Variants in PCDHA9 observed in about 807,000 individuals in gnomAD.
PCDHA9 encodes protocadherin alpha 9.
Under a neutral mutation model 62.0 loss-of-function variants are expected in PCDHA9, and 62 were observed. That is an observed-to-expected ratio of 1.00 (90% CI 0.81 to 1.23). PCDHA9 has a LOEUF of 1.23. Ranked by LOEUF, PCDHA9 falls within the 50% of genes most tolerant of loss-of-function variation. The pLI, the probability that PCDHA9 is intolerant of heterozygous loss-of-function variation, is 0.00. For missense variants in PCDHA9, 1,205 were observed against 1,249.8 expected (o/e 0.96, Z 0.54); for synonymous variants, 557 against 567.6 (o/e 0.98, Z 0.27).
intron 1 of PCDHA9, chr5:140,968,325 C>T (rs148804197): frequency 1.2e-6 from 2 of 1,613,988 alleles, no homozygotes; most frequent in African/African-American, 2.7e-5. Context: ...CCAGTCACCT[C>T]CTATGTCTCC....
At chr5:140,862,451 C>A (rs1554156361) in intron 1 of PCDHA9, 4 of 365,784 alleles carry the variant, frequency 1.1e-5, no homozygotes, top group African/African-American at 2.1e-5. Flanking sequence ...TCCACAGCGC[C>A]CTGGACCAAG....
intron 1 of PCDHA9, chr5:140,884,440 G>T: frequency 1.2e-6 from 2 of 1,613,830 alleles, no homozygotes; most frequent in Non-Finnish European, 1.7e-6. Flanking sequence ...TGCGGTGCTC[G>T]GCACCGCCCA....
At chr5:140,937,546 G>A (rs1584916949) in intron 1 of PCDHA9, among the ~76,000 whole-genome samples, 1 of 152,050 alleles carries the variant, frequency 6.6e-6, no homozygotes, top group Non-Finnish European at 1.5e-5. Flanking sequence ...GAACCTGCGA[G>A]GCAGAGGTTG....
chr5:140,912,445 A>C (rs1165607499), intron 1 of PCDHA9, among the ~76,000 whole-genome samples: 1 of 151,772 alleles, frequency 6.6e-6, no homozygotes, highest in African/African-American at 2.4e-5. Flanking sequence ...ATTTGTGTGC[A>C]TTGATTTTGT....
At chr5:140,977,337 G>A (rs1554238444) in intron 1 of PCDHA9, among the ~76,000 whole-genome samples, 4 of 152,150 alleles carry the variant, frequency 2.6e-5, no homozygotes, top group South Asian at 2.1e-4. Context: ...GGGGAGAGAC[G>A]GTGATGATGA....
At chr5:140,927,889 G>A in intron 1 of PCDHA9, 3 of 1,614,226 alleles carry the variant, frequency 1.9e-6, no homozygotes, top group Non-Finnish European at 2.5e-6. Flanking sequence ...GGTGACTGAC[G>A]TGAACGATCA....
intron 1 of PCDHA9, chr5:140,966,789 C>G (rs782194817): frequency 6.5e-7 from 1 of 1,528,572 alleles, no homozygotes; most frequent in East Asian, 2.4e-5. Context: ...GGCACCAGAC[C>G]TGCGGCGACA....
rs148598290 is a variant in PCDHA9, at chr5:140,857,464, C to G, written c.2394+6575C>G. 181 of 1,598,526 alleles carry G rather than the reference C, an allele frequency of 1.1e-4. 14 individuals carry two copies. Among genetic ancestry groups the G allele is most frequent in the Non-Finnish European group, 1.1e-4 (129 of 1,167,932 alleles). On this transcript the variant is annotated intron_variant, in intron 1 of 3. Transcript: ENST00000532602. ...AGGAGAACAACCCGCCAGGCTGCCA[C>G]ATCTTCACGGTGTCTGCGTGGGACG...
At position 140,885,311 on chromosome 5, in the gene PCDHA9, T is replaced by C. The variant is rs3776122; in HGVS notation, c.2394+34422T>C. On this transcript the variant is annotated intron_variant, in intron 1 of 3. Transcript: ENST00000532602. Reference sequence around the variant, plus strand: ...AGAGAGAGACCTGGTAGGCTTTTTGTTATTATTTCTTTTCCAAAGTTTGAA... The same window carrying C: ...AGAGAGAGACCTGGTAGGCTTTTTGCTATTATTTCTTTTCCAAAGTTTGAA... Among the ~76,000 whole-genome samples, 52 of 152,304 alleles carry C rather than the reference T, an allele frequency of 3.4e-4. No individual in the cohort carries two copies. In the East Asian group the frequency reaches 7.5e-3, roughly 22 times the overall value.
At chr5:140,968,263 G>A (rs782272055) in intron 1 of PCDHA9, 20 of 1,613,978 alleles carry the variant, frequency 1.2e-5, no homozygotes, top group Middle Eastern at 3.3e-4. Flanking sequence ...CAGATGAAAA[G>A]GAGAATGCAG....
intron 1 of PCDHA9, among the ~76,000 whole-genome samples, chr5:140,919,556 A>G (rs980403400): frequency 5.9e-5 from 9 of 152,186 alleles, no homozygotes; most frequent in African/African-American, 2.2e-4. Context: ...ACTGATTTAT[A>G]TTAAGTGAAT....
At chr5:140,937,769 G>A (rs908179495) in intron 1 of PCDHA9, among the ~76,000 whole-genome samples, 44 of 151,776 alleles carry the variant, frequency 2.9e-4, no homozygotes, top group African/African-American at 9.4e-4. Context: ...AAAATTAGTC[G>A]GGCGTGGTGG....
chr5:140,882,072 T>A (rs1340000642), intron 1 of PCDHA9: 5 of 861,462 alleles, frequency 5.8e-6, no homozygotes, highest in Non-Finnish European at 7.0e-6. Flanking sequence ...TTCATGCGCA[T>A]GGTGTCGCTC....
chr5:141,001,022 T>C (rs2097984457), intron 3 of PCDHA9, among the ~76,000 whole-genome samples: 1 of 152,250 alleles, frequency 6.6e-6, no homozygotes, highest in Non-Finnish European at 1.5e-5. Context: ...TATACACTTA[T>C]AATAATAGCT....
At chr5:140,909,574 T>G (rs1363183074) in intron 1 of PCDHA9, among the ~76,000 whole-genome samples, 1 of 152,134 alleles carries the variant, frequency 6.6e-6, no homozygotes, top group Non-Finnish European at 1.5e-5. Flanking sequence ...TCCAGAGATG[T>G]GATATGTTTT....
intron 1 of PCDHA9, among the ~76,000 whole-genome samples, chr5:140,894,254 A>G (rs566555133): frequency 6.6e-6 from 1 of 152,128 alleles, no homozygotes; most frequent in Admixed American, 6.5e-5. Flanking sequence ...TCTTTTCTTT[A>G]CAAGTGGTAG....
intron 1 of PCDHA9, chr5:140,968,969 A>G (rs1554231287): frequency 1.9e-6 from 3 of 1,614,230 alleles, no homozygotes; most frequent in Non-Finnish European, 2.5e-6. Context: ...CTACCGCTAC[A>G]CTGCGTATGG....
chr5:140,984,945 C>CT (rs113297104), intron 3 of PCDHA9, among the ~76,000 whole-genome samples: 99 of 149,274 alleles, frequency 6.6e-4, no homozygotes, highest in Non-Finnish European at 1.1e-3. Context: ...AATGTCTAAT[C>CT]TTTTTTTTTT....
At chr5:140,856,935 A>T in intron 1 of PCDHA9, 1 of 1,594,236 alleles carries the variant, frequency 6.3e-7, no homozygotes, top group Non-Finnish European at 8.6e-7. Context: ...TGGATAAACG[A>T]AAGGACGGGA....
Sources: allele counts gnomAD v4.1 joint callset (sites outside exome capture counted in the v4.1 genomes callset), GRCh38; gene constraint gnomAD v4.1.1; transcripts MANE v1.5; gene names NCBI Gene and HGNC (gene_info 2026-07-23, HGNC 2026-07-21).